GLI3: variants seen among roughly 807,000 people sequenced by gnomAD.
GLI3 encodes transcription activator GLI3.
A neutral mutation model predicts 100.8 loss-of-function variants in GLI3; 20 were observed. The ratio of observed to expected loss-of-function variants is 0.20; its 90% CI spans 0.14 to 0.29. The LOEUF is 0.29. Ranked by LOEUF, GLI3 falls within the 10% of genes least tolerant of loss-of-function variation. The pLI is 1.00. For missense variants in GLI3, 2,040 were observed against 2,128.5 expected (o/e 0.96, Z 0.82); for synonymous variants, 938 against 860.5 (o/e 1.09, Z -1.58).
chr7:42,115,937 G>A (rs578034429), intron 3 of GLI3, among the ~76,000 whole-genome samples: 1 of 152,078 alleles, frequency 6.6e-6, no homozygotes, highest in Admixed American at 6.5e-5. Context: ...AATAGAGATT[G>A]TTGTGGGTTG....
In GLI3 at chr7:42,253,744, C is replaced by A. The variant is rs889119420; in HGVS notation, c.-43+10250G>T. ...ATTAGTTGACTTTACACATGAAGTG[C>A]TTTTGACTTGTCCTCAGTACTCAAT... On this transcript the variant is annotated intron_variant, in intron 1 of 2. Transcript: ENST00000678978. Among the ~76,000 whole-genome samples, 3 of 152,150 alleles carry A rather than the reference C, an allele frequency of 2.0e-5. No individual in the cohort carries two copies. The East Asian group carries it at 5.8e-4, about 29-fold the overall frequency.
chr7:42,082,062 A>G (rs1236144296), intron 3 of GLI3, among the ~76,000 whole-genome samples: 1 of 152,032 alleles, frequency 6.6e-6, no homozygotes, highest in Non-Finnish European at 1.5e-5. Context: ...ATCTGCCATC[A>G]GCAGAAATAT....
At chr7:42,185,045 T>C (rs1335012963) in intron 2 of GLI3, among the ~76,000 whole-genome samples, 1 of 152,072 alleles carries the variant, frequency 6.6e-6, no homozygotes, top group Non-Finnish European at 1.5e-5. Flanking sequence ...ATGATGCCTG[T>C]TAAGGTGAAC....
chr7:42,217,966 T>C (rs1415614590), intron 2 of GLI3, among the ~76,000 whole-genome samples: 2 of 152,194 alleles, frequency 1.3e-5, no homozygotes, highest in African/African-American at 4.8e-5. Context: ...GGTCTTACTA[T>C]TGTCTTCCGA....
rs576566313 is a variant in GLI3 at position 42,215,917 on chromosome 7, G to A, written c.124+7213C>T. Among the ~76,000 whole-genome samples the A allele has an allele frequency of 9.3e-4, 141 of 152,176 alleles. 1 individual carries two copies. The Middle Eastern group carries it at 0.014, about 15-fold the overall frequency. On this transcript the variant is annotated intron_variant, in intron 2 of 14. Transcript: ENST00000395925. ...GCCAATCCTCAATCAGACTAAAGCC[G>A]AACCATTCAGAGAATACTAACAACT...
Position 41,981,918 on chromosome 7 carries a change from T to C in GLI3, c.1498-3170A>G, listed in dbSNP as rs1043701732. On this transcript the variant is annotated intron_variant, in intron 10 of 14. Coordinates refer to ENST00000395925, the MANE Select transcript of GLI3 (RefSeq NM_000168.6). ...TCTTCTACCTTTGCCACTGAGACAA[T>C]GTGTGGAAATTTGAGTGGCAGGAAA... Among the ~76,000 whole-genome samples, 72 of 152,172 alleles carry C rather than the reference T, an allele frequency of 4.7e-4. 1 individual carries two copies. The highest frequency in any genetic ancestry group is 1.6e-3 in the African/African-American group (65 of 41,518).
chr7:42,180,078 G>T (rs1247623975), intron 2 of GLI3, among the ~76,000 whole-genome samples: 1 of 152,182 alleles, frequency 6.6e-6, no homozygotes, highest in African/African-American at 2.4e-5. Flanking sequence ...GAGGGCCCAG[G>T]TCTGAACTCT....
At chr7:41,994,680 T>C (rs1378050950) in intron 10 of GLI3, among the ~76,000 whole-genome samples, 2 of 152,244 alleles carry the variant, frequency 1.3e-5, no homozygotes, top group African/African-American at 4.8e-5. Flanking sequence ...CTTTGTCTTT[T>C]ACCTCCCCAC....
At chr7:42,242,737 T>TCAA (rs1788938278), upstream of GLI3, among the ~76,000 whole-genome samples, 4 of 152,192 alleles carry the variant, frequency 2.6e-5, no homozygotes, top group Admixed American at 2.6e-4. Context: ...TACTAGTTGA[T>TCAA]CTTGTCTTTT....
intron 4 of GLI3, among the ~76,000 whole-genome samples, chr7:42,056,837 C>T (rs1350670905): frequency 7.6e-6 from 1 of 131,946 alleles, no homozygotes; most frequent in African/African-American, 3.0e-5. Context: ...AAAAAATTAG[C>T]CGGGCATGGT....
rs745591513 is a variant in GLI3, at chr7:41,966,608, C to T, written c.2465G>A (p.Gly822Glu). Residue 822 changes from glycine to glutamate, a missense_variant, in exon 15 of 15, where the codon GGG (glycine) becomes GAG (glutamate). Physicochemically the swap from Gly to Glu is moderately conservative, Grantham distance 98. Coordinates refer to ENST00000395925, the MANE Select transcript of GLI3 (RefSeq NM_000168.6). This position sits in a 1 kb window ranked among gnomAD's most constrained non-coding sequence, Gnocchi z 5.8. ...TCTGCCCGGGAGAAGCGTCATGGGC[C>T]CACCCAAGCTGCAGGTGTTGTTGGA... ...TQSNNTCSLG[G>E]PMTLLPGRSD... is the part of the protein sequence containing the mutation. The T allele has an allele frequency of 5.6e-6, 9 of 1,613,966 alleles. No individual in the cohort carries two copies. The highest frequency in any genetic ancestry group is 7.6e-6 in the Non-Finnish European group (9 of 1,180,012).
intron 2 of GLI3, among the ~76,000 whole-genome samples, chr7:42,156,209 G>C (rs943229023): frequency 5.9e-5 from 9 of 152,108 alleles, no homozygotes; most frequent in African/African-American, 1.4e-4. Flanking sequence ...CTTTAAAAGG[G>C]AGGAGATCTA....
chr7:41,985,116 C>G (rs1787781867), intron 10 of GLI3, among the ~76,000 whole-genome samples: 1 of 152,254 alleles, frequency 6.6e-6, no homozygotes, highest in African/African-American at 2.4e-5. Context: ...GCTCCACCCC[C>G]AGTTGTATTT....
upstream of GLI3, chr7:42,238,003 G>GCCGCCTCCTCCTCCTCCTCCTTCTCCT: frequency 7.1e-6 from 1 of 140,608 alleles, no homozygotes; most frequent in South Asian, 1.8e-4. Context: ...CGCCGCCGCC[G>GCCGCCTCCTCCTCCTCCTCCTTCTCCT]CCTCCTCCTC....
rs1214123068 is a variant in GLI3, at chr7:41,972,029, G to A, written c.2103+308C>T. Among the ~76,000 whole-genome samples, 6 of 152,228 alleles carry A rather than the reference G, an allele frequency of 3.9e-5. No homozygotes were observed. In the East Asian group the frequency reaches 9.6e-4, roughly 24 times the overall value. ...AAAGAAGACAGAAAGCATGTTTACA[G>A]GAAGAGTCAATGAATGATTTTCGAC... is the stretch of plus-strand genomic sequence containing the variant. On this transcript the variant is annotated intron_variant, in intron 13 of 14. Coordinates refer to ENST00000395925, the MANE Select transcript of GLI3 (RefSeq NM_000168.6). The surrounding 1 kb of genome is among the most constrained non-coding windows in gnomAD (Gnocchi z 4.4).
At position 41,965,354 on chromosome 7, in the gene GLI3, C is replaced by G. The variant is rs1346236253; in HGVS notation, c.3719G>C (p.Ser1240Thr). 1 of 1,613,632 alleles carries G rather than the reference C, an allele frequency of 6.2e-7. No individual in the cohort carries two copies. Among genetic ancestry groups the G allele is most frequent in the Non-Finnish European group, 8.5e-7 (1 of 1,179,818 alleles). The change falls in exon 15 of 15, where the codon AGT becomes ACT. Residue 1240 changes from serine to threonine, a missense_variant. Around this residue, in one of 5 missense-constraint regions of GLI3, gnomAD observed 1,041 missense variants for 924.0 expected, o/e 1.13. Coordinates refer to ENST00000395925, the MANE Select transcript of GLI3 (RefSeq NM_000168.6). ...GGGCTGTTCATGGAAGGCGTTTCCA[C>G]TGGTGCCACTTCCGGGGCTGTTGTG... ...MLHNSPGSGTSGNAFHEQPCK... is the reference protein window; with the variant it reads ...MLHNSPGSGTTGNAFHEQPCK...
At chr7:42,214,942 G>A (rs1345600598) in intron 2 of GLI3, among the ~76,000 whole-genome samples, 3 of 150,662 alleles carry the variant, frequency 2.0e-5, no homozygotes, top group East Asian at 2.0e-4. Context: ...AAAGATTTTC[G>A]TTCTACTACA....
At chr7:42,022,349 T>A (rs846276) in intron 10 of GLI3, among the ~76,000 whole-genome samples, 137,035 of 152,138 alleles carry the variant, frequency 0.9, 61,758 homozygotes, top group East Asian at 0.99. Context: ...ACACTGCCTA[T>A]GAAACGTGTG....
intron 3 of GLI3, among the ~76,000 whole-genome samples, chr7:42,106,756 T>C (rs1785585035): frequency 1.3e-5 from 2 of 152,134 alleles, no homozygotes. Context: ...AAAACAGCCT[T>C]TGTGTTGTGA....
Sources: gnomAD v4.1 joint callset for allele counts (sites outside exome capture counted in the v4.1 genomes callset) on GRCh38, gnomAD v4.1.1 for gene constraint, gnomAD v4.1.1 regional missense constraint, Gnocchi (gnomAD v3.1) non-coding constraint, MANE v1.5 for transcripts, NCBI Gene and HGNC (gene_info 2026-07-23, HGNC 2026-07-21) for gene names.